The following ARAP3 variants were observed in gnomAD, a reference collection of about 807,000 sequenced individuals.
ARAP3 encodes ArfGAP with RhoGAP domain, ankyrin repeat and PH domain 3.
ARAP3 carries 82 observed loss-of-function variants against 169.2 expected under a neutral mutation model. The observed-to-expected ratio is 0.48, with a 90% confidence interval of 0.41 to 0.58. The LOEUF (loss-of-function observed/expected upper bound fraction) is 0.58. Among genes scored for constraint, ARAP3 ranks in the 20% least tolerant of loss-of-function variants. The pLI is 0.00. For synonymous variants in ARAP3, 791 were observed against 800.3 expected, an observed-to-expected ratio of 0.99 and a Z score of 0.20; for missense variants, 1,764 against 2,018.0, an observed-to-expected ratio of 0.87 and a Z score of 2.41.
At chr5:141,656,875 T>C (rs2099909330) in intron 25 of ARAP3, 29 bp from the exon 26 acceptor site, 1 of 1,601,734 alleles carries the variant, frequency 6.2e-7, no homozygotes, top group Non-Finnish European at 8.5e-7. Flanking sequence ...GGTTTATATA[T>C]CAATCAGAAT....
intron 25 of ARAP3, among the ~76,000 whole-genome samples, chr5:141,657,933 G>A (rs1056384042): frequency 5.3e-5 from 8 of 152,176 alleles, no homozygotes; most frequent in African/African-American, 1.9e-4. Flanking sequence ...ATTTGGATAT[G>A]TGAGTCTGGA....
rs756245729 is a variant in ARAP3, at chr5:141,671,618, G to A, written c.1806C>T (p.Leu602=). 1.2e-6 allele frequency: 2 copies of A among 1,614,150 alleles called. No individual in the cohort carries two copies. Among genetic ancestry groups the A allele is most frequent in the East Asian group, 4.5e-5 (2 of 44,882 alleles). ...GGTACTGAGGGTGGGGCTTCCGGAA[G>A]AGACCCAGACGGTACTTTCGGGAGA... ...EFISRKYRLG[L]FRKPHPQYPD... Residue 602 remains leucine (L), a synonymous_variant, in exon 12 of 33, where the codon CTC becomes CTT. Coordinates refer to ENST00000239440, the MANE Select transcript of ARAP3 (RefSeq NM_022481.6). This position sits in a 1 kb window ranked among gnomAD's most constrained non-coding sequence, Gnocchi z 4.9.
Position 141,654,147 on chromosome 5 carries a change from A to T in ARAP3, c.4438T>A (p.Ser1480Thr), listed in dbSNP as rs1562399648. Residue 1480 changes from serine to threonine, a missense_variant, in exon 33 of 33, where the codon TCC (serine) becomes ACC (threonine). By Grantham distance (58) the Ser-to-Thr change is moderately conservative (BLOSUM62 1). This residue lies in a region of ARAP3 where 1,112 missense variants were observed against 1,285.7 expected (regional missense o/e 0.86). Coordinates refer to ENST00000239440, the MANE Select transcript of ARAP3 (RefSeq NM_022481.6). ...TCCTGGAGCAGCTGTTCCTCTAGGGACCCCCGTGCCTGGGGACTGCTCTTT... is the reference window on the plus strand; with the variant it reads ...TCCTGGAGCAGCTGTTCCTCTAGGGTCCCCCGTGCCTGGGGACTGCTCTTT... ...PSKSSPQARG[S>T]LEEQLLQELS... 6.2e-7 allele frequency: 1 copy of T among 1,612,040 alleles called. No homozygotes were observed. Among genetic ancestry groups the T allele is most frequent in the East Asian group, 2.2e-5 (1 of 44,804 alleles).
chr5:141,669,866 G>T, intron 15 of ARAP3, 55 bp from the exon 16 acceptor site: 1 of 1,610,294 alleles, frequency 6.2e-7, no homozygotes, highest in South Asian at 1.1e-5. Flanking sequence ...GGGCTGTCAG[G>T]CTGGAGGTTG....
In ARAP3 at chr5:141,672,062, GC is replaced by G; in HGVS notation, c.1585+39del. The G allele has an allele frequency of 6.2e-7, 1 of 1,613,974 alleles. No individual in the cohort carries two copies. Among genetic ancestry groups the G allele is most frequent in the South Asian group, 1.1e-5 (1 of 91,082 alleles). ...GGGTACCCTGAGCCCTCTAGTCCCAGCCCTCCTGTTCCCCACATGGGCTTGA... is the reference window on the plus strand; with the variant it reads ...GGGTACCCTGAGCCCTCTAGTCCCAGCCTCCTGTTCCCCACATGGGCTTGA... On this transcript the variant is annotated intron_variant, in intron 10 of 32. Transcript: ENST00000239440. The surrounding 1 kb of genome is among the most constrained non-coding windows in gnomAD (Gnocchi z 4.9).
chr5:141,661,689 G>C lies in ARAP3; in HGVS notation c.3114C>G (p.Leu1038=), dbSNP rs372087659. 3.7e-6 allele frequency: 6 copies of C among 1,614,084 alleles called. No individual in the cohort carries two copies. The highest frequency in any genetic ancestry group is 5.1e-6 in the Non-Finnish European group (6 of 1,180,026). Residue 1038 remains leucine (L), a synonymous_variant, in exon 21 of 33, where the codon CTC becomes CTG. Transcript: ENST00000239440. The part of the protein sequence containing the change: ...RRTLATLIGH[L]YRVQKCAALN... ...GAGGGTCTAGCCATACTGACCGATA[G>C]AGATGCCCAATGAGGGTGGCCAGTG... is the stretch of plus-strand genomic sequence containing the variant.
In ARAP3 at chr5:141,671,875, C is replaced by T. The variant is rs747778577; in HGVS notation, c.1671+20G>A. ...CGCTCCCTTCTACGCCTCCCACCTT[C>T]TCCCTCTTCGCCCGCTCACCTGTAC... On this transcript the variant is annotated intron_variant, in intron 11 of 32. Transcript: ENST00000239440. This position sits in a 1 kb window ranked among gnomAD's most constrained non-coding sequence, Gnocchi z 4.9. 10 of 1,614,074 alleles carry T rather than the reference C, an allele frequency of 6.2e-6. No homozygotes were observed. The highest frequency in any genetic ancestry group is 8.5e-6 in the Non-Finnish European group (10 of 1,180,022).
rs1277787940 is a variant in ARAP3, at chr5:141,672,713, C to T, written c.1278+28G>A. ...GGTGCCAGAAGGGACTAGTTCAGGC[C>T]CCTCAGCCCTGGCCCGGCTCTCCTC... is the stretch of plus-strand genomic sequence containing the variant. On this transcript the variant is annotated intron_variant, in intron 8 of 32. Coordinates refer to ENST00000239440, the MANE Select transcript of ARAP3 (RefSeq NM_022481.6). The surrounding 1 kb of genome is among the most constrained non-coding windows in gnomAD (Gnocchi z 4.9). 4 of 1,614,100 alleles carry T rather than the reference C, an allele frequency of 2.5e-6. No homozygotes were observed. The highest frequency in any genetic ancestry group is 3.4e-6 in the Non-Finnish European group (4 of 1,179,998).
In ARAP3 at chr5:141,654,242, G is replaced by A. The variant is rs953854366; in HGVS notation, c.4343C>T (p.Pro1448Leu). The A allele has an allele frequency of 1.2e-6, 2 of 1,614,144 alleles. No homozygotes were observed. The highest frequency in any genetic ancestry group is 1.7e-6 in the Non-Finnish European group (2 of 1,180,016). The change falls in exon 33 of 33, where the codon CCC (proline) becomes CTC (leucine). Residue 1448 changes from proline (P) to leucine (L), a missense_variant. This residue lies in a region of ARAP3 where 1,112 missense variants were observed against 1,285.7 expected (regional missense o/e 0.86). Transcript: ENST00000239440. ...AAGGGTGCTTGACTTGGAGAGAAAGGGTTGATCCAATGACTTCTGGCTGGT... is the reference window on the plus strand; with the variant it reads ...AAGGGTGCTTGACTTGGAGAGAAAGAGTTGATCCAATGACTTCTGGCTGGT... ...PLTSQKSLDQ[P>L]FLSKSSTLGQ...
chr5:141,676,597 C>T (rs1014825349), intron 4 of ARAP3, among the ~76,000 whole-genome samples: 4 of 152,166 alleles, frequency 2.6e-5, no homozygotes, highest in Non-Finnish European at 4.4e-5. Flanking sequence ...CCCTCAGCAG[C>T]GTAGGACACA....
chr5:141,671,478 A>G lies in ARAP3; in HGVS notation c.1855-78T>C. ...GGGGACAGTCGTATCATCACTAAAA[A>G]CAGTCCCCACCACCCAAGTCTAGGC... is the stretch of plus-strand genomic sequence containing the variant. On this transcript the variant is annotated intron_variant, in intron 12 of 32. Coordinates refer to ENST00000239440, the MANE Select transcript of ARAP3 (RefSeq NM_022481.6). The surrounding 1 kb of genome is among the most constrained non-coding windows in gnomAD (Gnocchi z 4.9). 1.2e-6 allele frequency: 2 copies of G among 1,601,142 alleles called. No homozygotes were observed. Among genetic ancestry groups the G allele is most frequent in the Non-Finnish European group, 1.7e-6 (2 of 1,174,116 alleles).
In ARAP3 at chr5:141,656,184, G is replaced by T. The variant is rs775518944; in HGVS notation, c.3872+10C>A. The T allele has an allele frequency of 1.2e-5, 20 of 1,614,160 alleles. No individual in the cohort carries two copies. In the Admixed American group the frequency reaches 2.8e-4, roughly 23 times the overall value. On this transcript the variant is annotated intron_variant, in intron 28 of 32. Transcript: ENST00000239440. Reference sequence around the variant, plus strand: ...GGCCCTGGAAGTGCGGGCTGGGGAAGAAAACTCACGGTGTTGGGGGCTTTA... The same window carrying T: ...GGCCCTGGAAGTGCGGGCTGGGGAATAAAACTCACGGTGTTGGGGGCTTTA...
chr5:141,655,753 A>G lies in ARAP3; in HGVS notation c.3978T>C (p.Asp1326=), dbSNP rs748354164. The change falls in exon 31 of 33, where the codon GAT becomes GAC. Residue 1326 remains aspartate (D), a synonymous_variant. Coordinates refer to ENST00000239440, the MANE Select transcript of ARAP3 (RefSeq NM_022481.6). ...GTCGTAAGACCACTGGCTGCTGGTCATCGTGCTGGTGGGAGCGTGAGGGGT... is the reference window on the plus strand; with the variant it reads ...GTCGTAAGACCACTGGCTGCTGGTCGTCGTGCTGGTGGGAGCGTGAGGGGT... ...WTTSILKAQH[D]DQQPVVLRRH... 13 of 1,614,206 alleles carry G rather than the reference A, an allele frequency of 8.1e-6. No individual in the cohort carries two copies. In the East Asian group the frequency reaches 1.8e-4, roughly 22 times the overall value.
intron 16 of ARAP3, among the ~76,000 whole-genome samples, chr5:141,667,380 T>C (rs1046458057): frequency 6.6e-6 from 1 of 151,936 alleles, no homozygotes; most frequent in Non-Finnish European, 1.5e-5. Context: ...CAGGGTTTTT[T>C]CCTTTTTCCT....
chr5:141,680,988 C>G (rs754165517), intron 1 of ARAP3, among the ~76,000 whole-genome samples: 24 of 152,310 alleles, frequency 1.6e-4, no homozygotes, highest in Admixed American at 8.5e-4. Context: ...CAGACGCCCC[C>G]TCCCTCTTGT....
intron 4 of ARAP3, among the ~76,000 whole-genome samples, chr5:141,674,442 G>A (rs1261060133): frequency 6.6e-6 from 1 of 152,014 alleles, no homozygotes; most frequent in African/African-American, 2.4e-5. Flanking sequence ...ATTTTTAGTA[G>A]AGATGAGGTC....
At chr5:141,666,157 T>C (rs916567878) in intron 17 of ARAP3, among the ~76,000 whole-genome samples, 21 of 152,104 alleles carry the variant, frequency 1.4e-4, no homozygotes, top group Admixed American at 1.3e-3. Flanking sequence ...TGAACCTCAC[T>C]ACAACCCTCT....
Position 141,659,479 on chromosome 5 carries a change from G to A in ARAP3, c.3268-3C>T. 6.2e-7 allele frequency: 1 copy of A among 1,614,166 alleles called. No homozygotes were observed. Among genetic ancestry groups the A allele is most frequent in the East Asian group, 2.2e-5 (1 of 44,882 alleles). On this transcript the variant is annotated splice_region_variant and splice_polypyrimidine_tract_variant and intron_variant, in intron 22 of 32. Transcript: ENST00000239440. ...TGAGCTACCTGGTCAGAATCGATCT[G>A]TGAAAGAGCCAAAAGAGAGTGTTGG... is the stretch of plus-strand genomic sequence containing the variant.
chr5:141,671,447 A>C lies in ARAP3; in HGVS notation c.1855-47T>G. ...TGTCAGCCCCAAATCCCAAACTGAG[A>C]GCACTGGGGACAGTCGTATCATCAC... On this transcript the variant is annotated intron_variant, in intron 12 of 32. Coordinates refer to ENST00000239440, the MANE Select transcript of ARAP3 (RefSeq NM_022481.6). This position sits in a 1 kb window ranked among gnomAD's most constrained non-coding sequence, Gnocchi z 4.9. 2 of 1,594,218 alleles carry C rather than the reference A, an allele frequency of 1.3e-6. No individual in the cohort carries two copies. The highest frequency in any genetic ancestry group is 1.7e-6 in the Non-Finnish European group (2 of 1,169,154).
Sources: allele counts gnomAD v4.1 joint callset (sites outside exome capture counted in the v4.1 genomes callset), GRCh38; gene constraint gnomAD v4.1.1; regional missense constraint gnomAD v4.1.1; non-coding constraint Gnocchi (gnomAD v3.1); transcripts MANE v1.5; gene names NCBI Gene and HGNC (gene_info 2026-07-23, HGNC 2026-07-21).